The following NBEA variants were observed in gnomAD, a reference collection of about 807,000 sequenced individuals.
NBEA encodes the protein neurobeachin.
Under a neutral mutation model 343.4 loss-of-function variants are expected in NBEA, and 44 were observed. That is an observed-to-expected ratio of 0.13 (90% confidence interval 0.10 to 0.16). NBEA has a LOEUF of 0.16. Ranked by LOEUF, NBEA falls within the 10% of genes least tolerant of loss-of-function variation. The probability of loss-of-function intolerance (pLI) is 1.00; values close to 1 mark genes in which losing one functional copy is unlikely to be tolerated. For missense variants in NBEA, 2,555 were observed against 3,631.3 expected, an observed-to-expected ratio of 0.70 and a Z score of 7.62; for synonymous variants, 1,175 against 1,238.7, an observed-to-expected ratio of 0.95 and a Z score of 1.08.
In NBEA at chr13:35,645,914, A is replaced by G. The variant is rs747402440; in HGVS notation, c.7663A>G (p.Thr2555Ala). The change falls in exon 50 of 59, where the codon ACA (threonine) becomes GCA (alanine). Residue 2555 changes from threonine (T) to alanine (A), a missense_variant. Thr to Ala is a moderately conservative substitution (Grantham distance 58). This residue lies in a region of NBEA where 87 missense variants were observed against 75.0 expected (regional missense o/e 1.16). Transcript: ENST00000379939. The part of the protein sequence containing the change: ...FIRDPHTFLL[T>A]KDFIKAMEAQ... ...TAGAGACCCCCACACTTTCCTTCTT[A>G]CAAAGGACTTTATTAAGGTATATGT... The G allele has an allele frequency of 4.2e-5, 66 of 1,571,714 alleles. No homozygotes were observed. The highest frequency in any genetic ancestry group is 5.2e-5 in the Non-Finnish European group (60 of 1,154,464).
At chr13:35,347,742 T>A (rs2039968770) in intron 36 of NBEA, among the ~76,000 whole-genome samples, 1 of 151,912 alleles carries the variant, frequency 6.6e-6, no homozygotes, top group African/African-American at 2.4e-5. Flanking sequence ...AAACCAGTAA[T>A]CAGTTTTTTT....
intron 47 of NBEA, among the ~76,000 whole-genome samples, chr13:35,604,933 G>T (rs1327568555): frequency 6.6e-6 from 1 of 152,230 alleles, no homozygotes; most frequent in African/African-American, 2.4e-5. Context: ...TTCCTCAGCT[G>T]CTATTGTGTA....
chr13:35,000,024 T>C (rs889161780), intron 1 of NBEA, among the ~76,000 whole-genome samples: 1 of 152,150 alleles, frequency 6.6e-6, no homozygotes, highest in African/African-American at 2.4e-5. Flanking sequence ...ATCAACAGAT[T>C]ATCTGCAGCA....
intron 49 of NBEA, among the ~76,000 whole-genome samples, chr13:35,630,938 C>T (rs1392715299): frequency 6.6e-6 from 1 of 152,110 alleles, no homozygotes; most frequent in Non-Finnish European, 1.5e-5. Context: ...TCCCCTTTCC[C>T]ACTTCCCACC....
chr13:35,591,934 A>G (rs1396317658), intron 46 of NBEA, among the ~76,000 whole-genome samples: 2 of 152,068 alleles, frequency 1.3e-5, no homozygotes, highest in African/African-American at 4.8e-5. Flanking sequence ...CCTAGACTTG[A>G]GAGAGAAGAA....
intron 48 of NBEA, among the ~76,000 whole-genome samples, chr13:35,624,850 GA>G (rs1228396378): frequency 7.9e-5 from 12 of 152,142 alleles, no homozygotes; most frequent in African/African-American, 2.9e-4. Flanking sequence ...GAGAGCAAAA[GA>G]AAAGGAGGAA....
chr13:35,330,144 A>G lies in NBEA; in HGVS notation c.5904-18964A>G, dbSNP rs111743950. Among the ~76,000 whole-genome samples, 972 of 152,134 alleles carry G rather than the reference A, an allele frequency of 6.4e-3. 9 individuals are homozygous for G. The highest frequency in any genetic ancestry group is 0.023 in the African/African-American group (935 of 41,548). ...TCACCTGTTTCTGTGCCTTTGAGCA[A>G]GTTACTTAATCTGTTTCAGTTTTTT... On this transcript the variant is annotated intron_variant, in intron 36 of 58. Coordinates refer to ENST00000379939, the MANE Select transcript of NBEA (RefSeq NM_001385012.1).
intron 52 of NBEA, 57 bp downstream of exon 52, chr13:35,649,904 TA>T: frequency 7.0e-7 from 1 of 1,419,318 alleles, no homozygotes; most frequent in Non-Finnish European, 9.4e-7. Flanking sequence ...ACAATTAAAG[TA>T]AAAAAGTGTA....
Position 35,157,200 on chromosome 13 carries a change from A to T in NBEA, c.2774A>T (p.Tyr925Phe). 6.2e-7 allele frequency: 1 copy of T among 1,610,070 alleles called. No homozygotes were observed. The highest frequency in any genetic ancestry group is 8.5e-7 in the Non-Finnish European group (1 of 1,177,882). Residue 925 changes from tyrosine (Y) to phenylalanine (F), a missense_variant, in exon 21 of 59, where the codon TAT (tyrosine) becomes TTT (phenylalanine). By Grantham distance (22) the Tyr-to-Phe change is conservative (BLOSUM62 3). Transcript: ENST00000379939. ...MVYNIFRILLYHAIKYEWGGW... is the reference protein window; with the variant it reads ...MVYNIFRILLFHAIKYEWGGW... Reference sequence around the variant, plus strand: ...TACAATATCTTCCGGATTCTTTTGTATCATGCAATAAAATATGAATGGGGA... The same window carrying T: ...TACAATATCTTCCGGATTCTTTTGTTTCATGCAATAAAATATGAATGGGGA...
intron 31 of NBEA, among the ~76,000 whole-genome samples, chr13:35,204,288 A>T (rs2073224730): frequency 6.6e-6 from 1 of 152,146 alleles, no homozygotes; most frequent in Admixed American, 6.5e-5. Flanking sequence ...CACACTGCTG[A>T]TAAAGACATA....
chr13:35,483,515 A>G (rs994559185), intron 41 of NBEA, among the ~76,000 whole-genome samples: 2 of 152,010 alleles, frequency 1.3e-5, no homozygotes, highest in Admixed American at 6.6e-5. Context: ...TTTTGTATAA[A>G]TATACATTAT....
intron 41 of NBEA, among the ~76,000 whole-genome samples, chr13:35,536,316 G>A (rs947094113): frequency 1.3e-5 from 2 of 152,050 alleles, no homozygotes; most frequent in Non-Finnish European, 2.9e-5. Flanking sequence ...ATGCTTTTTT[G>A]AGCAGTAAGT....
intron 38 of NBEA, among the ~76,000 whole-genome samples, chr13:35,379,274 T>A (rs1305871503): frequency 6.6e-6 from 1 of 152,140 alleles, no homozygotes; most frequent in African/African-American, 2.4e-5. Context: ...GTATGATGTA[T>A]TGCCTTATAG....
rs1593219422 is a variant in NBEA at position 35,059,647 on chromosome 13, A to G, written c.1239+784A>G. 2.0e-5 allele frequency among the ~76,000 whole-genome samples: 3 copies of G among 151,854 alleles called. No individual in the cohort carries two copies. In the South Asian group the frequency reaches 6.2e-4, roughly 32 times the overall value. ...TTTATTGAACTCAATTTAAATAATT[A>G]ATGTGAAGATTGTGTAATGGAAAGG... is the stretch of plus-strand genomic sequence containing the variant. On this transcript the variant is annotated intron_variant, in intron 8 of 58. Coordinates refer to ENST00000379939, the MANE Select transcript of NBEA (RefSeq NM_001385012.1).
intron 1 of NBEA, among the ~76,000 whole-genome samples, chr13:34,995,905 C>T (rs2060924389): frequency 6.6e-6 from 1 of 152,232 alleles, no homozygotes. Flanking sequence ...GATGAATTCT[C>T]AGTCCTACCT....
chr13:35,476,049 A>G (rs2075848108), intron 41 of NBEA: 2 of 1,614,144 alleles, frequency 1.2e-6, no homozygotes, highest in South Asian at 1.1e-5. Context: ...CTTCCCGGAT[A>G]GTTTTGGCAA....
chr13:35,319,324 T>C (rs140998335), intron 36 of NBEA, among the ~76,000 whole-genome samples: 11 of 152,266 alleles, frequency 7.2e-5, no homozygotes, highest in African/African-American at 2.4e-4. Context: ...TTTCAAAGAA[T>C]TATTTATTTC....
chr13:35,066,498 A>G (rs1418728544), intron 8 of NBEA, among the ~76,000 whole-genome samples: 2 of 152,018 alleles, frequency 1.3e-5, no homozygotes, highest in Admixed American at 6.6e-5. Flanking sequence ...TATGTTTACA[A>G]TTGCTATATC....
intron 1 of NBEA, among the ~76,000 whole-genome samples, chr13:35,036,072 T>C (rs1342083780): frequency 6.6e-6 from 1 of 151,988 alleles, no homozygotes; most frequent in Non-Finnish European, 1.5e-5. Flanking sequence ...CTGGTTGTTT[T>C]GTGGTCTTCT....
Sources: gnomAD v4.1 joint callset for allele counts (sites outside exome capture counted in the v4.1 genomes callset) on GRCh38, gnomAD v4.1.1 for gene constraint, gnomAD v4.1.1 regional missense constraint, MANE v1.5 for transcripts, NCBI Gene and HGNC (gene_info 2026-07-23, HGNC 2026-07-21) for gene names.